CLASP1: variants seen among roughly 807,000 people sequenced by gnomAD.
CLASP1 encodes the protein cytoplasmic linker associated protein 1, also known as CLIP-associating protein 1.
Under a neutral mutation model 192.3 loss-of-function variants are expected in CLASP1, and 38 were observed. That is an observed-to-expected ratio of 0.20 (90% CI 0.15 to 0.26). The LOEUF is 0.26. CLASP1 is among the 10% of genes least tolerant of loss of function. The pLI is 1.00. For missense variants in CLASP1, 1,433 were observed against 1,932.5 expected (o/e 0.74, Z 4.85); for synonymous variants, 691 against 712.8 (o/e 0.97, Z 0.49).
chr2:121,371,787 G>A (rs192430976), intron 34 of CLASP1, among the ~76,000 whole-genome samples: 14 of 152,224 alleles, frequency 9.2e-5, no homozygotes, highest in Non-Finnish European at 1.8e-4. Flanking sequence ...CTGAAGGATC[G>A]CATCCAATCA....
chr2:121,402,061 T>A (rs1309306366), intron 26 of CLASP1, among the ~76,000 whole-genome samples, 191 bp from the exon 28 acceptor site: 1 of 152,238 alleles, frequency 6.6e-6, no homozygotes, highest in African/African-American at 2.4e-5. Context: ...TTTTCTGTGT[T>A]TAATCCTGAA....
At chr2:121,454,237 GT>G (rs1272980347) in intron 14 of CLASP1, among the ~76,000 whole-genome samples, 1 of 151,830 alleles carries the variant, frequency 6.6e-6, no homozygotes, top group Non-Finnish European at 1.5e-5. Flanking sequence ...AAGTGACAAG[GT>G]TTAGATTAGG....
At chr2:121,386,901 C>T (rs1017466331) in intron 32 of CLASP1, among the ~76,000 whole-genome samples, 6 of 152,132 alleles carry the variant, frequency 3.9e-5, no homozygotes, top group Non-Finnish European at 5.9e-5. Flanking sequence ...GCTACAAGAA[C>T]GAGAGAACAT....
chr2:121,418,769 G>T (rs1270695214), intron 22 of CLASP1, 40 bp from the exon 23 acceptor site: 1 of 1,351,126 alleles, frequency 7.4e-7, no homozygotes, highest in African/African-American at 1.4e-5. Flanking sequence ...AGGTGAACAA[G>T]TTTAATGAAG....
chr2:121,408,881 G>T, intron 24 of CLASP1: 2 of 692,562 alleles, frequency 2.9e-6, no homozygotes, highest in Non-Finnish European at 5.1e-6. Context: ...AACAATGATG[G>T]TGAATCACTG....
intron 2 of CLASP1, among the ~76,000 whole-genome samples, chr2:121,559,885 CATCATCATT>C (rs1322905294): frequency 1.3e-5 from 2 of 152,070 alleles, no homozygotes; most frequent in African/African-American, 4.8e-5. Flanking sequence ...TAATTATCAT[CATCATCATT>C]ATCATCATCA....
intron 37 of CLASP1, among the ~76,000 whole-genome samples, 186 bp from the exon 39 acceptor site, chr2:121,348,904 C>T (rs1461610814): frequency 6.6e-6 from 1 of 152,072 alleles, no homozygotes; most frequent in Non-Finnish European, 1.5e-5. Context: ...GGAGCGTGGG[C>T]CACGGAAAGG....
At chr2:121,631,538 G>A (rs900628414) in intron 1 of CLASP1, among the ~76,000 whole-genome samples, 5 of 151,862 alleles carry the variant, frequency 3.3e-5, no homozygotes, top group Admixed American at 6.6e-5. Context: ...TGCCCACCTC[G>A]ACCTCCCAAA....
chr2:121,536,076 T>C (rs940773249), intron 2 of CLASP1, among the ~76,000 whole-genome samples: 3 of 151,982 alleles, frequency 2.0e-5, no homozygotes, highest in South Asian at 2.1e-4. Flanking sequence ...AAAATGGTTA[T>C]AGCAGTTCCT....
chr2:121,476,537 C>G (rs1467154929), intron 8 of CLASP1, among the ~76,000 whole-genome samples: 2 of 152,176 alleles, frequency 1.3e-5, no homozygotes, highest in Non-Finnish European at 2.9e-5. Context: ...TAACGACCAA[C>G]AAAAAGTCAC....
chr2:121,530,565 G>A, intron 2 of CLASP1: 2 of 541,258 alleles, frequency 3.7e-6, no homozygotes, highest in Non-Finnish European at 6.6e-6. Flanking sequence ...GCAATACAGC[G>A]TAGCCAAACC....
At chr2:121,448,512 G>A (rs992591317) in intron 17 of CLASP1, among the ~76,000 whole-genome samples, 187 bp from the exon 18 acceptor site, 2 of 152,198 alleles carry the variant, frequency 1.3e-5, no homozygotes, top group African/African-American at 2.4e-5. Context: ...ATTTTGGACT[G>A]CCTTTCAAAT....
At chr2:121,384,086 G>GTATA (rs141994879) in intron 32 of CLASP1, among the ~76,000 whole-genome samples, 1,992 of 98,698 alleles carry the variant, frequency 0.02, 50 homozygotes, top group African/African-American at 0.064. Context: ...ACATATATAT[G>GTATA]TATATATACA....
At chr2:121,579,237 G>T (rs1303075839) in intron 2 of CLASP1, among the ~76,000 whole-genome samples, 1 of 152,114 alleles carries the variant, frequency 6.6e-6, no homozygotes, top group Non-Finnish European at 1.5e-5. Context: ...GAAGACAGAG[G>T]GGCTGGGGGG....
chr2:121,417,295 C>T (rs961129414), intron 23 of CLASP1, among the ~76,000 whole-genome samples: 5 of 152,048 alleles, frequency 3.3e-5, no homozygotes, highest in Admixed American at 6.6e-5. Context: ...AATAACAGTA[C>T]ATATTTGAAA....
At chr2:121,372,548 G>T (rs1304304177) in intron 34 of CLASP1, among the ~76,000 whole-genome samples, 1 of 152,146 alleles carries the variant, frequency 6.6e-6, no homozygotes, top group Non-Finnish European at 1.5e-5. Context: ...GTATTCAAAA[G>T]AGAATTCGTT....
chr2:121,544,469 C>G (rs534231786), intron 2 of CLASP1, among the ~76,000 whole-genome samples: 30 of 151,814 alleles, frequency 2.0e-4, no homozygotes, highest in Non-Finnish European at 3.8e-4. Flanking sequence ...TATTACTACC[C>G]CTTTTTGAAA....
At chr2:121,563,173 C>T (rs561809259) in intron 2 of CLASP1, among the ~76,000 whole-genome samples, 1 of 152,338 alleles carries the variant, frequency 6.6e-6, no homozygotes, top group Admixed American at 6.5e-5. Flanking sequence ...TCTCTCCCTT[C>T]TCTGACCTCT....
intron 19 of CLASP1, among the ~76,000 whole-genome samples, chr2:121,438,959 C>T (rs1277789771): frequency 1.3e-5 from 2 of 150,528 alleles, no homozygotes; most frequent in Non-Finnish European, 3.0e-5. Flanking sequence ...CCATCTGGTC[C>T]TGGACTCTTT....
Sources: gnomAD v4.1 joint callset for allele counts (sites outside exome capture counted in the v4.1 genomes callset) on GRCh38, gnomAD v4.1.1 for gene constraint, MANE v1.5 for transcripts, NCBI Gene and HGNC (gene_info 2026-07-23, HGNC 2026-07-21) for gene names.